The following SLIT2 variants were observed in gnomAD, a reference collection of about 807,000 sequenced individuals.
SLIT2 encodes the protein slit homolog 2 protein.
In SLIT2, 41 loss-of-function variants were observed where a neutral mutation model predicts 185.7. The observed-to-expected ratio is 0.22, with a 90% confidence interval of 0.17 to 0.29. SLIT2 has a LOEUF of 0.29. SLIT2 is among the 10% of genes least tolerant of loss of function. SLIT2 has a pLI of 1.00. For synonymous variants in SLIT2, 693 were observed against 680.2 expected (o/e 1.02, Z -0.29); for missense variants, 1,571 against 1,909.0 (o/e 0.82, Z 3.30).
At chr4:20,318,551 G>A (rs1301873932) in intron 4 of SLIT2, among the ~76,000 whole-genome samples, 2 of 152,136 alleles carry the variant, frequency 1.3e-5, no homozygotes, top group Admixed American at 6.5e-5. Flanking sequence ...GGCTGCTGTT[G>A]CTTTTTGCAA....
rs1345922717 is a variant in SLIT2, at chr4:20,272,469, G to A, written c.395+3588G>A. 3.9e-5 allele frequency among the ~76,000 whole-genome samples: 6 copies of A among 152,130 alleles called. No individual in the cohort carries two copies. The East Asian group carries it at 1.2e-3, about 29-fold the overall frequency. On this transcript the variant is annotated intron_variant, in intron 4 of 36. Coordinates refer to ENST00000504154, the MANE Select transcript of SLIT2 (RefSeq NM_004787.4). ...TTGAAACAGTTGATTATGATTGATT[G>A]AAATTTATGAGTACTAATACAAATC...
chr4:20,477,181 A>T (rs1045397241), intron 5 of SLIT2, among the ~76,000 whole-genome samples: 1 of 149,604 alleles, frequency 6.7e-6, no homozygotes, highest in Non-Finnish European at 1.5e-5. Flanking sequence ...GAATGTTAAT[A>T]CCGAGAGATC....
At chr4:20,426,117 C>CCT (rs1281171361) in intron 4 of SLIT2, among the ~76,000 whole-genome samples, 1 of 152,164 alleles carries the variant, frequency 6.6e-6, no homozygotes, top group Non-Finnish European at 1.5e-5. Flanking sequence ...ACCATTGCAT[C>CCT]CTCAGTGTGT....
At chr4:20,521,751 T>C (rs995113914) in intron 12 of SLIT2, among the ~76,000 whole-genome samples, 4 of 152,164 alleles carry the variant, frequency 2.6e-5, no homozygotes, top group South Asian at 4.2e-4. Context: ...GCACAGCCAA[T>C]TGAGTCACCG....
chr4:20,427,856 C>T (rs1173907890), intron 4 of SLIT2, among the ~76,000 whole-genome samples: 1 of 152,098 alleles, frequency 6.6e-6, no homozygotes, highest in Non-Finnish European at 1.5e-5. Context: ...CAGTTGTTCT[C>T]TATGCTTTTT....
intron 4 of SLIT2, among the ~76,000 whole-genome samples, chr4:20,289,996 C>G (rs1448095227): frequency 6.6e-6 from 1 of 151,116 alleles, no homozygotes; most frequent in East Asian, 2.0e-4. Context: ...ATATGCCTCC[C>G]TCTACACCGC....
At chr4:20,368,062 G>A (rs1042944662) in intron 4 of SLIT2, among the ~76,000 whole-genome samples, 3 of 151,898 alleles carry the variant, frequency 2.0e-5, no homozygotes, top group African/African-American at 4.8e-5. Flanking sequence ...ACAATAAGAA[G>A]TCTTGCTAGA....
chr4:20,594,259 A>T (rs533147083), intron 30 of SLIT2, among the ~76,000 whole-genome samples: 1 of 150,190 alleles, frequency 6.7e-6, no homozygotes, highest in South Asian at 2.1e-4. Flanking sequence ...ACATATACAT[A>T]CACGCATATG....
At chr4:20,417,997 A>T (rs187302714) in intron 4 of SLIT2, among the ~76,000 whole-genome samples, 2 of 152,244 alleles carry the variant, frequency 1.3e-5, no homozygotes, top group Admixed American at 1.3e-4. Context: ...TTTCCACTGT[A>T]TGAAATGATC....
At position 20,459,485 on chromosome 4, in the gene SLIT2, G is replaced by A. The variant is rs1713459954; in HGVS notation, c.396-8267G>A. 2.0e-5 allele frequency among the ~76,000 whole-genome samples: 3 copies of A among 152,096 alleles called. No individual in the cohort carries two copies. In the South Asian group the frequency reaches 6.2e-4, roughly 32 times the overall value. On this transcript the variant is annotated intron_variant, in intron 4 of 36. Transcript: ENST00000504154. The stretch of plus-strand genomic sequence containing the variant: ...AATATTAAAATCTTGAGTAAACTAA[G>A]CATAAGTTTCTTGGGGATAATAACC...
chr4:20,579,978 A>T (rs1726401192), intron 29 of SLIT2, among the ~76,000 whole-genome samples: 1 of 146,070 alleles, frequency 6.8e-6, no homozygotes, highest in African/African-American at 2.5e-5. Context: ...AATATATATT[A>T]TATATATATT....
intron 33 of SLIT2, among the ~76,000 whole-genome samples, chr4:20,604,715 T>C (rs1051534563): frequency 3.9e-5 from 6 of 152,122 alleles, no homozygotes; most frequent in African/African-American, 1.4e-4. Flanking sequence ...AAGAATACTT[T>C]TAGTATCACT....
At chr4:20,504,754 G>A (rs7671290) in intron 9 of SLIT2, among the ~76,000 whole-genome samples, 3,649 of 152,078 alleles carry the variant, frequency 0.024, 52 homozygotes, top group Middle Eastern at 0.044. Context: ...TGTGGGTGAC[G>A]TTGCAATAGT....
chr4:20,283,422 G>T (rs939343535), intron 4 of SLIT2, among the ~76,000 whole-genome samples: 1 of 152,026 alleles, frequency 6.6e-6, no homozygotes, highest in Non-Finnish European at 1.5e-5. Flanking sequence ...AAACTAATTT[G>T]TTCAGTATTT....
chr4:20,296,786 C>T (rs615576), intron 4 of SLIT2, among the ~76,000 whole-genome samples: 137,067 of 152,268 alleles, frequency 0.9, 61,818 homozygotes, highest in East Asian at 1. Context: ...GAATGTATCC[C>T]CCGAAAAGAA....
In SLIT2 at chr4:20,362,936, T is replaced by TA. The variant is rs1326550803; in HGVS notation, c.395+94055_395+94056insA. Among the ~76,000 whole-genome samples, 219 of 143,208 alleles carry TA rather than the reference T, an allele frequency of 1.5e-3. 1 individual carries two copies. The highest frequency in any genetic ancestry group is 0.015 in the Middle Eastern group (4 of 270). 94.0% of individuals were successfully genotyped at this position (143,208 alleles called of 152,430 possible). A position where few individuals can be genotyped will look rare whatever the true frequency, so the allele number is the denominator to read the frequency against. The stretch of plus-strand genomic sequence containing the variant: ...TCCAAGAGGAATGAAATTTTTTTTT[T>TA]TAAAAAAGGGATTTTAATGTTTAAA... On this transcript the variant is annotated intron_variant, in intron 4 of 36. Transcript: ENST00000504154.
intron 4 of SLIT2, among the ~76,000 whole-genome samples, chr4:20,272,329 C>G (rs1409121565): frequency 6.6e-6 from 1 of 151,666 alleles, no homozygotes; most frequent in Non-Finnish European, 1.5e-5. Context: ...TCTATCTTCC[C>G]CTTTGCTCCT....
chr4:20,476,440 G>T (rs1048699629), intron 5 of SLIT2, among the ~76,000 whole-genome samples: 1 of 151,702 alleles, frequency 6.6e-6, no homozygotes, highest in Non-Finnish European at 1.5e-5. Context: ...ATAATAATAC[G>T]AACATAAAGT....
chr4:20,527,319 G>A (rs1027272821), intron 15 of SLIT2, among the ~76,000 whole-genome samples: 4 of 151,486 alleles, frequency 2.6e-5, no homozygotes, highest in Admixed American at 6.6e-5. Flanking sequence ...ATGGAGTCTC[G>A]CTGTCTCCCA....
Sources: gnomAD v4.1 joint callset for allele counts (sites outside exome capture counted in the v4.1 genomes callset) on GRCh38, gnomAD v4.1.1 for gene constraint, MANE v1.5 for transcripts, NCBI Gene and HGNC (gene_info 2026-07-23, HGNC 2026-07-21) for gene names.